LMAN1L: variants seen among roughly 807,000 people sequenced by gnomAD.
LMAN1L encodes lectin, mannose binding 1 like.
A neutral mutation model predicts 58.3 loss-of-function variants in LMAN1L; 60 were observed. The ratio of observed to expected loss-of-function variants is 1.03; its 90% CI spans 0.84 to 1.27. The LOEUF is 1.27. Among genes scored for constraint, LMAN1L ranks in the 50% most tolerant of loss-of-function variants. LMAN1L has a pLI of 0.00. For missense variants in LMAN1L, 629 were observed against 674.0 expected (o/e 0.93, Z 0.74); for synonymous variants, 280 against 271.6 (o/e 1.03, Z -0.31).
At position 74,816,231 on chromosome 15, in the gene LMAN1L, G is replaced by T; in HGVS notation, c.250G>T (p.Ala84Ser). Residue 84 changes from alanine (A) to serine (S), a missense_variant, in exon 2 of 14, where the codon GCC becomes TCC. Coordinates refer to ENST00000309664, the MANE Select transcript of LMAN1L (RefSeq NM_021819.3). Reference sequence around the variant, plus strand: ...CCGGAGTGGCGCCGTGTGGAGCAGGGCCTCTGTCCCCTTCTCTGCCTGGGA... The same window carrying T: ...CCGGAGTGGCGCCGTGTGGAGCAGGTCCTCTGTCCCCTTCTCTGCCTGGGA... Reference protein sequence around the residue: ...RNRSGAVWSRASVPFSAWEVE... With the variant: ...RNRSGAVWSRSSVPFSAWEVE... 1 of 1,594,704 alleles carries T rather than the reference G, an allele frequency of 6.3e-7. No individual in the cohort carries two copies. Among genetic ancestry groups the T allele is most frequent in the Non-Finnish European group, 8.5e-7 (1 of 1,170,918 alleles).
At chr15:74,815,490 G>A (rs1033981273) in intron 1 of LMAN1L, among the ~76,000 whole-genome samples, 1 of 152,088 alleles carries the variant, frequency 6.6e-6, no homozygotes, top group East Asian at 1.9e-4. Flanking sequence ...CCCCACCACC[G>A]CCAGTGGCAA....
chr15:74,820,851 G>A, intron 8 of LMAN1L, 84 bp downstream of exon 8: 1 of 1,529,886 alleles, frequency 6.5e-7, no homozygotes, highest in Non-Finnish European at 8.8e-7. Flanking sequence ...CCTTTAATCA[G>A]TAGGGAAACT....
chr15:74,819,759 G>A (rs901680506), intron 6 of LMAN1L: 2 of 547,358 alleles, frequency 3.7e-6, no homozygotes, highest in Non-Finnish European at 6.6e-6. Flanking sequence ...GCCTAAGAGT[G>A]TCAGATGGTC....
intron 11 of LMAN1L, 105 bp downstream of exon 11, chr15:74,822,814 C>A: frequency 1.2e-6 from 1 of 809,910 alleles, no homozygotes; most frequent in Non-Finnish European, 2.1e-6. Flanking sequence ...CAGCACACAG[C>A]CTGTCAATTG....
chr15:74,825,323 C>T, intron 13 of LMAN1L, 153 bp from the exon 14 acceptor site: 1 of 764,930 alleles, frequency 1.3e-6, no homozygotes, highest in Non-Finnish European at 2.1e-6. Flanking sequence ...AAAGCGTGGA[C>T]CATATGCAGC....
chr15:74,822,345 G>A (rs556194566), intron 10 of LMAN1L, among the ~76,000 whole-genome samples: 16 of 152,244 alleles, frequency 1.1e-4, no homozygotes, highest in Non-Finnish European at 1.8e-4. Flanking sequence ...CAGCCTGGCC[G>A]CAGAGCAAGA....
rs184410158 is a variant in LMAN1L, at chr15:74,814,579, T to C, written c.175+1550T>C. Among the ~76,000 whole-genome samples the C allele has an allele frequency of 6.3e-4, 96 of 152,292 alleles. No homozygotes were observed. In the East Asian group the frequency reaches 0.011, roughly 18 times the overall value. ...TAGTAGAGATGGGGTTTCACCTTGTTAGCCAGGATGGTTTCGATCTCCTGA... is the reference window on the plus strand; with the variant it reads ...TAGTAGAGATGGGGTTTCACCTTGTCAGCCAGGATGGTTTCGATCTCCTGA... On this transcript the variant is annotated intron_variant, in intron 1 of 13. Coordinates refer to ENST00000309664, the MANE Select transcript of LMAN1L (RefSeq NM_021819.3).
chr15:74,823,936 A>G, intron 12 of LMAN1L: 1 of 541,000 alleles, frequency 1.8e-6, no homozygotes, highest in Non-Finnish European at 3.3e-6. Flanking sequence ...GGCCCTGGAC[A>G]CCCCTCGATC....
chr15:74,820,281 C>A, intron 7 of LMAN1L, 182 bp downstream of exon 7: 1 of 644,832 alleles, frequency 1.6e-6, no homozygotes, highest in Admixed American at 2.6e-5. Context: ...GTCTCGCAGG[C>A]TGGCTGGCTC....
rs1567224414 is a variant in LMAN1L at position 74,819,265 on chromosome 15, CCTGGCAGGTGAGGATCCCA to C, written c.716_718+16del. 1 of 1,614,078 alleles carries C rather than the reference CCTGGCAGGTGAGGATCCCA, an allele frequency of 6.2e-7. No homozygotes were observed. Among genetic ancestry groups the C allele is most frequent in the African/African-American group, 1.3e-5 (1 of 75,052 alleles). On this transcript the variant is annotated splice_donor_variant and splice_donor_5th_base_variant and coding_sequence_variant and intron_variant, in exon 6 of 14. Coordinates refer to ENST00000309664, the MANE Select transcript of LMAN1L (RefSeq NM_021819.3). LOFTEE classifies it high-confidence loss of function. ...TTGGGGTCTCAGCAGCCACCGGCAC[CCTGGCAGGTGAGGATCCCA>C]CTGGACAGGTAAGAGCAGAAGGGCA...
chr15:74,822,680 G>T lies in LMAN1L; in HGVS notation c.1170G>T (p.Trp390Cys), dbSNP rs750155292. Residue 390 changes from tryptophan to cysteine, a missense_variant, in exon 11 of 14, where the codon TGG becomes TGT. This residue lies in a region of LMAN1L where 573 missense variants were observed against 597.3 expected (regional missense o/e 0.96). Coordinates refer to ENST00000309664, the MANE Select transcript of LMAN1L (RefSeq NM_021819.3). ...TCGGTGCCCTGCTCCATGGACAGTG[G>T]ACTCTGCTCCAGGCCCTGCAAGAGA... is the stretch of plus-strand genomic sequence containing the variant. The part of the protein sequence containing the change: ...AKVGALLHGQ[W>C]TLLQALQEMR... 15 of 1,613,952 alleles carry T rather than the reference G, an allele frequency of 9.3e-6. No individual in the cohort carries two copies. Among genetic ancestry groups the T allele is most frequent in the Non-Finnish European group, 1.3e-5 (15 of 1,179,994 alleles).
At position 74,816,461 on chromosome 15, in the gene LMAN1L, G is replaced by T. The variant is rs755650351; in HGVS notation, c.365G>T (p.Gly122Val). 1.9e-6 allele frequency: 3 copies of T among 1,553,486 alleles called. No individual in the cohort carries two copies. The highest frequency in any genetic ancestry group is 2.6e-6 in the Non-Finnish European group (3 of 1,146,284). ...TACACCCGGGGCAGGGGCCATGTAG[G>T]CTCTGTCCTTGGGGGGCTGGCTTCG... ...VWYTRGRGHV[G>V]SVLGGLASWD... Residue 122 changes from glycine (G) to valine (V), a missense_variant, in exon 3 of 14, where the codon GGC becomes GTC. Transcript: ENST00000309664.
At chr15:74,824,533 G>T in intron 13 of LMAN1L, 55 bp downstream of exon 13, 1 of 1,603,070 alleles carries the variant, frequency 6.2e-7, no homozygotes, top group Non-Finnish European at 8.5e-7. Flanking sequence ...TTGGTTCTCA[G>T]CTATAACCAT....
At chr15:74,820,133 G>GC (rs749417763) in intron 7 of LMAN1L, 34 bp downstream of exon 7, 1 of 1,583,138 alleles carries the variant, frequency 6.3e-7, no homozygotes, top group Non-Finnish European at 8.7e-7. Flanking sequence ...GGGAATGGCA[G>GC]CCCAGGGACC....
Position 74,820,706 on chromosome 15 carries a change from G to A in LMAN1L, c.846G>A (p.Arg282=). 6.2e-7 allele frequency: 1 copy of A among 1,613,872 alleles called. No individual in the cohort carries two copies. Among genetic ancestry groups the A allele is most frequent in the Non-Finnish European group, 8.5e-7 (1 of 1,180,008 alleles). The part of the protein sequence containing the change: ...LARQLEGLWA[R]LGLGTREDVT... The stretch of plus-strand genomic sequence containing the variant: ...GGCAGCTGGAAGGGCTGTGGGCAAG[G>A]CTGGGCTTGGGCACCAGGGAGGATG... The change falls in exon 8 of 14, where the codon AGG becomes AGA. Residue 282 remains arginine, a synonymous_variant. Transcript: ENST00000309664.
At chr15:74,815,531 T>G (rs978617156) in intron 1 of LMAN1L, among the ~76,000 whole-genome samples, 3 of 152,212 alleles carry the variant, frequency 2.0e-5, no homozygotes, top group Non-Finnish European at 4.4e-5. Context: ...CCTGCATTCT[T>G]TCATCGCAGT....
At position 74,816,467 on chromosome 15, in the gene LMAN1L, T is replaced by C. The variant is rs768191587; in HGVS notation, c.371T>C (p.Val124Ala). ...CGGGGCAGGGGCCATGTAGGCTCTG[T>C]CCTTGGGGGGCTGGCTTCGTGGGAC... Reference protein sequence around the residue: ...YTRGRGHVGSVLGGLASWDGI... With the variant: ...YTRGRGHVGSALGGLASWDGI... The change falls in exon 3 of 14, where the codon GTC becomes GCC. Residue 124 changes from valine (V) to alanine (A), a missense_variant. Physicochemically the swap from Val to Ala is moderately conservative, Grantham distance 64 (BLOSUM62 0). Around this residue, in one of 3 missense-constraint regions of LMAN1L, gnomAD observed 573 missense variants for 597.3 expected, o/e 0.96. Transcript: ENST00000309664. The C allele has an allele frequency of 6.4e-7, 1 of 1,553,270 alleles. No homozygotes were observed. The highest frequency in any genetic ancestry group is 8.7e-7 in the Non-Finnish European group (1 of 1,146,100).
At chr15:74,823,494 T>C in intron 11 of LMAN1L, 65 bp from the exon 12 acceptor site, 2 of 1,581,732 alleles carry the variant, frequency 1.3e-6, no homozygotes, top group Non-Finnish European at 1.7e-6. Context: ...GGGAAATGAT[T>C]AGGCCATCTG....
At chr15:74,816,362 G>T in intron 2 of LMAN1L, 51 bp downstream of exon 2, 1 of 1,603,238 alleles carries the variant, frequency 6.2e-7, no homozygotes, top group Non-Finnish European at 8.5e-7. Context: ...AGGGAGGCGG[G>T]TGATGAGCCC....
Sources: allele counts gnomAD v4.1 joint callset (sites outside exome capture counted in the v4.1 genomes callset), GRCh38; gene constraint gnomAD v4.1.1; regional missense constraint gnomAD v4.1.1; transcripts MANE v1.5; gene names NCBI Gene and HGNC (gene_info 2026-07-23, HGNC 2026-07-21).